The following ANXA2 variants were observed in gnomAD, a reference collection of about 807,000 sequenced individuals.
The protein encoded by ANXA2 is annexin II.
ANXA2 carries 28 observed loss-of-function variants against 47.3 expected under a neutral mutation model. That is an observed-to-expected ratio of 0.59 (90% CI 0.44 to 0.81). The LOEUF (loss-of-function observed/expected upper bound fraction) is 0.81, where lower values mean the gene tolerates loss of function less well. ANXA2 is among the 40% of genes least tolerant of loss of function. ANXA2 has a pLI of 0.00. For missense variants in ANXA2, 384 were observed against 414.3 expected (o/e 0.93, Z 0.64); for synonymous variants, 172 against 155.5 (o/e 1.11, Z -0.79).
At chr15:60,362,014 T>C (rs1003649843) in intron 4 of ANXA2, among the ~76,000 whole-genome samples, 31 of 152,070 alleles carry the variant, frequency 2.0e-4, no homozygotes, top group Non-Finnish European at 1.0e-4. Context: ...GAGAGGTGAT[T>C]TGCAGCATGC....
chr15:60,371,115 A>C (rs1164487850), intron 3 of ANXA2, among the ~76,000 whole-genome samples: 2 of 152,232 alleles, frequency 1.3e-5, no homozygotes, highest in East Asian at 3.8e-4. Flanking sequence ...GCTCCTGATA[A>C]GAAACAGCAC....
intron 2 of ANXA2, chr15:60,383,447 C>T (rs2062891105): frequency 6.6e-6 from 1 of 152,242 alleles, no homozygotes; most frequent in Non-Finnish European, 1.5e-5. Flanking sequence ...CTTTTCAAAG[C>T]TCATTATCCT....
At position 60,352,269 on chromosome 15, in the gene ANXA2, G is replaced by C. The variant is rs1204188825; in HGVS notation, c.682+114C>G. On this transcript the variant is annotated intron_variant, in intron 9 of 12. Transcript: ENST00000451270. The surrounding 1 kb of genome is among the most constrained non-coding windows in gnomAD (Gnocchi z 4.2). Reference sequence around the variant, plus strand: ...AGGGAAAATGGGTGAGCCTATGAGAGTGCCAAGCGGAGACAGAACCTCATT... The same window carrying C: ...AGGGAAAATGGGTGAGCCTATGAGACTGCCAAGCGGAGACAGAACCTCATT... 6.0e-6 allele frequency: 4 copies of C among 662,700 alleles called. No individual in the cohort carries two copies. The highest frequency in any genetic ancestry group is 3.9e-5 in the South Asian group (2 of 50,672). The allele number at this position is 662,700 out of a possible 1,614,324, so 41.1% of individuals were successfully genotyped here. A position where few individuals can be genotyped will look rare whatever the true frequency, so the allele number is the denominator to read the frequency against.
At chr15:60,350,320 A>C (rs138362239) in intron 11 of ANXA2, among the ~76,000 whole-genome samples, 26 of 152,264 alleles carry the variant, frequency 1.7e-4, no homozygotes, top group African/African-American at 5.8e-4. Flanking sequence ...AGCACCTACT[A>C]CTGCAAGGCT....
Position 60,351,243 on chromosome 15 carries a change from T to C in ANXA2, c.787A>G (p.Ile263Val), listed in dbSNP as rs142228912. The change falls in exon 11 of 13, where the codon ATT (isoleucine) becomes GTT (valine). Residue 263 changes from isoleucine to valine, a missense_variant. By Grantham distance (29) the Ile-to-Val change is conservative (BLOSUM62 3). Transcript: ENST00000451270. ...ENAFLNLVQCIQNKPLYFADR... is the reference protein window; with the variant it reads ...ENAFLNLVQCVQNKPLYFADR... ...GCAAAATACAGGGGCTTGTTCTGAA[T>C]GCACTGAACTGTGGAGAGAAGAAAG... 1.6e-5 allele frequency: 26 copies of C among 1,614,232 alleles called. No homozygotes were observed. In the East Asian group the frequency reaches 2.2e-4, roughly 14 times the overall value.
intron 12 of ANXA2, among the ~76,000 whole-genome samples, chr15:60,348,617 C>A (rs528466331): frequency 8.3e-4 from 126 of 151,802 alleles, no homozygotes; most frequent in African/African-American, 2.9e-3. Context: ...TGGTGGCGGG[C>A]GCCTGTAGTC....
Position 60,349,112 on chromosome 15 carries a change from T to C in ANXA2, c.923A>G (p.Lys308Arg). Residue 308 changes from lysine (K) to arginine (R), a missense_variant, in exon 12 of 13, where the codon AAG (lysine) becomes AGG (arginine). Coordinates refer to ENST00000451270, the MANE Select transcript of ANXA2 (RefSeq NM_004039.3). The part of the protein sequence containing the change: ...VDMLKIRSEF[K>R]RKYGKSLYYY... ...GTACAGGGACTTGCCGTACTTTCTC[T>C]TGAATTCAGACCTAATTTTCAACAT... The C allele has an allele frequency of 6.2e-7, 1 of 1,614,154 alleles. No homozygotes were observed. Among genetic ancestry groups the C allele is most frequent in the Non-Finnish European group, 8.5e-7 (1 of 1,180,012 alleles).
chr15:60,359,303 T>A (rs2062477839), intron 5 of ANXA2, among the ~76,000 whole-genome samples: 1 of 152,144 alleles, frequency 6.6e-6, no homozygotes, highest in South Asian at 2.1e-4. Flanking sequence ...GTAAAGCCAC[T>A]CGAATCACAA....
At chr15:60,382,216 T>C (rs2062870997) in intron 3 of ANXA2, 126 bp downstream of exon 3, 3 of 688,282 alleles carry the variant, frequency 4.4e-6, no homozygotes, top group Admixed American at 4.3e-5. Flanking sequence ...TAGGTCTGGA[T>C]CTACTCCATT....
chr15:60,392,067 G>C (rs2140938706), intron 1 of ANXA2, among the ~76,000 whole-genome samples: 1 of 152,254 alleles, frequency 6.6e-6, no homozygotes, highest in Non-Finnish European at 1.5e-5. Context: ...GAGGTACAGG[G>C]AGACTCACTG....
At chr15:60,364,392 A>C in intron 4 of ANXA2, 37 bp downstream of exon 4, 1 of 1,557,616 alleles carries the variant, frequency 6.4e-7, no homozygotes, top group Non-Finnish European at 8.8e-7. Flanking sequence ...ACAAAAATTC[A>C]ACAAGAAATG....
chr15:60,347,898 G>A (rs747384917), intron 12 of ANXA2, among the ~76,000 whole-genome samples: 3 of 152,206 alleles, frequency 2.0e-5, no homozygotes, highest in Admixed American at 6.5e-5. Context: ...AGGAGGTGCT[G>A]GGGAAGACAC....
At position 60,397,984 on chromosome 15, in the gene ANXA2, A is replaced by G. The variant is rs2063105893; in HGVS notation, c.-53T>C. The G allele has an allele frequency of 8.2e-7, 1 of 1,220,966 alleles. No individual in the cohort carries two copies. Among genetic ancestry groups the G allele is most frequent in the Non-Finnish European group, 1.0e-6 (1 of 968,834 alleles). 75.6% of individuals were successfully genotyped at this position (1,220,966 alleles called of 1,614,324 possible). The stretch of plus-strand genomic sequence containing the variant: ...GAGCTGAGAGCGTCCCCAAATGCTG[A>G]GCAGAGCCGGCTGGCCTGGGTGGGG... On this transcript the variant is annotated 5_prime_UTR_variant, in exon 1 of 13. Coordinates refer to ENST00000451270, the MANE Select transcript of ANXA2 (RefSeq NM_004039.3).
At chr15:60,350,429 C>T (rs1390819833) in intron 11 of ANXA2, among the ~76,000 whole-genome samples, 1 of 152,140 alleles carries the variant, frequency 6.6e-6, no homozygotes, top group African/African-American at 2.4e-5. Flanking sequence ...CGCTCTGTGC[C>T]ATTTCTAATG....
At chr15:60,371,585 G>A (rs2062710976) in intron 3 of ANXA2, among the ~76,000 whole-genome samples, 1 of 152,192 alleles carries the variant, frequency 6.6e-6, no homozygotes, top group Non-Finnish European at 1.5e-5. Flanking sequence ...CACACTGACT[G>A]CACAAAGAAA....
chr15:60,366,807 G>T (rs1290335590), intron 3 of ANXA2, among the ~76,000 whole-genome samples: 1 of 123,932 alleles, frequency 8.1e-6, no homozygotes, highest in African/African-American at 3.0e-5. Flanking sequence ...GGAGGCGGGG[G>T]GGGGGGGGGT....
rs534644627 is a variant in ANXA2, at chr15:60,353,325, C to CTCTGCTGGCCTCCCTT, written c.588+813_588+828dup. Among the ~76,000 whole-genome samples, 61 of 152,232 alleles carry CTCTGCTGGCCTCCCTT rather than the reference C, an allele frequency of 4.0e-4. 1 individual carries two copies. In the South Asian group the frequency reaches 0.012, roughly 31 times the overall value. On this transcript the variant is annotated intron_variant, in intron 8 of 12. Transcript: ENST00000451270. ...CTTATTCAGCCAGAAAAGGACAGGT[C>CTCTGCTGGCCTCCCTT]TCTGCTGGCCTCCCTTTCTCCCCCA...
chr15:60,348,588 C>CA (rs1399360407), intron 12 of ANXA2, among the ~76,000 whole-genome samples: 10 of 151,824 alleles, frequency 6.6e-5, no homozygotes, highest in Admixed American at 5.2e-4. Context: ...ACTAAAAATA[C>CA]AAAAAAATTA....
At chr15:60,366,149 T>C (rs988304590) in intron 3 of ANXA2, among the ~76,000 whole-genome samples, 11 of 137,482 alleles carry the variant, frequency 8.0e-5, no homozygotes, top group African/African-American at 2.8e-4. Flanking sequence ...GTTCACTCAG[T>C]GCTCAATGGT....
Sources: allele counts gnomAD v4.1 joint callset (sites outside exome capture counted in the v4.1 genomes callset), GRCh38; gene constraint gnomAD v4.1.1; non-coding constraint Gnocchi (gnomAD v3.1); transcripts MANE v1.5; gene names NCBI Gene and HGNC (gene_info 2026-07-23, HGNC 2026-07-21).